The following PCDHA7 variants were observed in gnomAD, a reference collection of about 807,000 sequenced individuals.
PCDHA7 encodes the protein protocadherin alpha-7.
PCDHA7 carries 37 observed loss-of-function variants against 57.2 expected under a neutral mutation model. The observed-to-expected ratio is 0.65, with a 90% CI of 0.50 to 0.85. The LOEUF (loss-of-function observed/expected upper bound fraction) is 0.85, where lower values mean the gene tolerates loss of function less well. Among genes scored for constraint, PCDHA7 ranks in the 40% least tolerant of loss-of-function variants. The pLI, the probability that PCDHA7 is intolerant of heterozygous loss-of-function variation, is 0.00. For missense variants in PCDHA7, 1,188 were observed against 1,241.8 expected (o/e 0.96, Z 0.65); for synonymous variants, 553 against 558.8 (o/e 0.99, Z 0.15).
intron 1 of PCDHA7, chr5:140,876,811 G>A (rs2153346110): frequency 9.3e-6 from 15 of 1,614,218 alleles, no homozygotes; most frequent in Non-Finnish European, 1.3e-5. Context: ...GGAGGTGGCC[G>A]ACGTGAACGA....
chr5:140,956,132 C>T (rs782171826), intron 1 of PCDHA7, among the ~76,000 whole-genome samples: 1 of 152,028 alleles, frequency 6.6e-6, no homozygotes, highest in African/African-American at 2.4e-5. Context: ...ATTTGAATAC[C>T]CTTTATTTCT....
intron 1 of PCDHA7, among the ~76,000 whole-genome samples, chr5:140,897,305 G>T (rs952231570): frequency 6.6e-6 from 1 of 150,594 alleles, no homozygotes; most frequent in Non-Finnish European, 1.5e-5. Context: ...TTAGCATTAG[G>T]TATATCTCCT....
chr5:140,938,765 AC>A (rs1309568560), intron 1 of PCDHA7, among the ~76,000 whole-genome samples: 1 of 152,182 alleles, frequency 6.6e-6, no homozygotes, highest in Non-Finnish European at 1.5e-5. Context: ...GTTATTGGGT[AC>A]TAGACTTAGT....
intron 3 of PCDHA7, among the ~76,000 whole-genome samples, chr5:140,997,668 T>TTGTGTG (rs35184029): frequency 3.8e-4 from 56 of 148,342 alleles, no homozygotes; most frequent in African/African-American, 8.5e-4. Context: ...ATTATACAGC[T>TTGTGTG]TGTGTGTGTG....
rs529968685 is a variant in PCDHA7 at position 140,857,928 on chromosome 5, C to T, written c.2355+21190C>T. ...ATCCCGTTTCGCGTGGGGCTGTACA[C>T]GGGCGAGATCAGTACGACGCGCGCT... On this transcript the variant is annotated intron_variant, in intron 1 of 3. Coordinates refer to ENST00000525929, the MANE Select transcript of PCDHA7 (RefSeq NM_018910.3). The T allele has an allele frequency of 2.5e-6, 4 of 1,597,668 alleles. No individual in the cohort carries two copies. In the South Asian group the frequency reaches 3.3e-5, roughly 13 times the overall value.
At chr5:140,888,198 G>A (rs1031899783) in intron 1 of PCDHA7, among the ~76,000 whole-genome samples, 2 of 152,044 alleles carry the variant, frequency 1.3e-5, no homozygotes, top group Admixed American at 6.6e-5. Flanking sequence ...TTACATTGTC[G>A]GATGCTGGAT....
chr5:140,856,211 C>G (rs374070531), intron 1 of PCDHA7: 1 of 1,598,094 alleles, frequency 6.3e-7, no homozygotes, highest in South Asian at 1.1e-5. Flanking sequence ...GGGGCTGGAG[C>G]TGGCGGAGCT....
chr5:140,970,427 GGTGTTA>G (rs1442614278), intron 1 of PCDHA7, among the ~76,000 whole-genome samples: 6 of 152,192 alleles, frequency 3.9e-5, no homozygotes, highest in Admixed American at 3.3e-4. Context: ...TGTAGAGGCA[GGTGTTA>G]GTATATGCAC....
At chr5:140,989,601 A>C (rs553140269) in intron 3 of PCDHA7, among the ~76,000 whole-genome samples, 14 of 152,318 alleles carry the variant, frequency 9.2e-5, no homozygotes, top group African/African-American at 3.4e-4. Flanking sequence ...ACACAAGTAA[A>C]CTAAAAATGA....
chr5:140,860,083 G>T (rs781794157), intron 1 of PCDHA7: 12 of 151,782 alleles, frequency 7.9e-5, no homozygotes, highest in Non-Finnish European at 1.5e-4. Context: ...GAGGCCAGGA[G>T]TTCAAGACCA....
At chr5:140,932,880 AT>A (rs1219080024) in intron 1 of PCDHA7, among the ~76,000 whole-genome samples, 2 of 151,952 alleles carry the variant, frequency 1.3e-5, no homozygotes, top group Non-Finnish European at 2.9e-5. Context: ...TGTCTTCAAT[AT>A]TTTCAGTTAG....
chr5:140,882,966 T>C (rs201472469), intron 1 of PCDHA7: 3 of 1,614,202 alleles, frequency 1.9e-6, no homozygotes, highest in Non-Finnish European at 8.5e-7. Context: ...ATCACGATTC[T>C]GGACGTGAAT....
intron 1 of PCDHA7, chr5:140,875,943 T>C (rs371245562): frequency 1.9e-6 from 3 of 1,614,072 alleles, no homozygotes; most frequent in African/African-American, 2.7e-5. Flanking sequence ...TAGAGGGCGC[T>C]TCTGATGCGG....
intron 1 of PCDHA7, among the ~76,000 whole-genome samples, chr5:140,839,395 GATT>G (rs2150297688): frequency 0.016 from 1,606 of 98,892 alleles, 28 homozygotes; most frequent in Non-Finnish European, 0.019. Context: ...TGATGATGAT[GATT>G]ATTATTTTTG....
intron 1 of PCDHA7, among the ~76,000 whole-genome samples, chr5:140,892,004 T>A (rs562047314): frequency 6.6e-6 from 1 of 152,364 alleles, no homozygotes; most frequent in East Asian, 1.9e-4. Flanking sequence ...TGGCATTCTG[T>A]TATAGCAGCA....
intron 1 of PCDHA7, among the ~76,000 whole-genome samples, chr5:140,908,777 TCTC>T (rs2074149319): frequency 6.6e-6 from 1 of 152,144 alleles, no homozygotes; most frequent in African/African-American, 2.4e-5. Flanking sequence ...TGTAGAGTCT[TCTC>T]CTGTTCTGTA....
chr5:140,966,930 G>A (rs1554228913), intron 1 of PCDHA7: 1 of 1,603,704 alleles, frequency 6.2e-7, no homozygotes, highest in Middle Eastern at 1.7e-4. Flanking sequence ...CAGGCACCCG[G>A]CGCGCTCGTG....
chr5:140,851,970 CTACCTT>C, intron 1 of PCDHA7: 3 of 977,062 alleles, frequency 3.1e-6, no homozygotes, highest in Non-Finnish European at 2.5e-6. Context: ...TTTCCACACT[CTACCTT>C]TAGTGCAAGC....
At chr5:141,000,608 A>G (rs1554257700) in intron 3 of PCDHA7, among the ~76,000 whole-genome samples, 2 of 150,664 alleles carry the variant, frequency 1.3e-5, no homozygotes, top group African/African-American at 4.9e-5. Context: ...TTGTATTTTT[A>G]GTAGAGACAG....
Sources: allele counts gnomAD v4.1 joint callset (sites outside exome capture counted in the v4.1 genomes callset), GRCh38; gene constraint gnomAD v4.1.1; transcripts MANE v1.5; gene names NCBI Gene and HGNC (gene_info 2026-07-23, HGNC 2026-07-21).